The following TFAP2D variants were observed in gnomAD, a reference collection of about 807,000 sequenced individuals.
The protein encoded by TFAP2D is transcription factor AP-2-delta.
Under a neutral mutation model 43.6 loss-of-function variants are expected in TFAP2D, and 9 were observed. The observed-to-expected ratio is 0.21, with a 90% CI of 0.12 to 0.36. The LOEUF (loss-of-function observed/expected upper bound fraction) is 0.36, where lower values mean the gene tolerates loss of function less well. TFAP2D is among the 10% of genes least tolerant of loss of function. The pLI is 1.00. For synonymous variants in TFAP2D, 256 were observed against 224.9 expected, an observed-to-expected ratio of 1.14 and a Z score of -1.24; for missense variants, 513 against 561.4, an observed-to-expected ratio of 0.91 and a Z score of 0.87.
chr6:50,742,571 CACATAGATAGATAG>C (rs1769061299), intron 5 of TFAP2D, among the ~76,000 whole-genome samples: 1 of 126,772 alleles, frequency 7.9e-6, no homozygotes, highest in Non-Finnish European at 1.7e-5. Context: ...TAGACAGACA[CACATAGATAGATAG>C]ATAGATAGAT....
Position 50,745,254 on chromosome 6 carries a change from C to T in TFAP2D, c.1025+6C>T. ...AAGATGATCCTGGCGACCAAGTAAG[C>T]AGAATGGGGAAACCTCTGTGTGCTT... On this transcript the variant is annotated splice_donor_region_variant and intron_variant, in intron 6 of 7. Coordinates refer to ENST00000008391, the MANE Select transcript of TFAP2D (RefSeq NM_172238.4). 1 of 1,613,076 alleles carries T rather than the reference C, an allele frequency of 6.2e-7. No homozygotes were observed. Among genetic ancestry groups the T allele is most frequent in the Non-Finnish European group, 8.5e-7 (1 of 1,179,476 alleles).
chr6:50,714,718 A>G (rs2114025292), intron 1 of TFAP2D, among the ~76,000 whole-genome samples: 1 of 152,048 alleles, frequency 6.6e-6, no homozygotes, highest in African/African-American at 2.4e-5. Flanking sequence ...TTTCGGGTGG[A>G]CTCGTTCCTC....
intron 3 of TFAP2D, among the ~76,000 whole-genome samples, chr6:50,721,120 G>A (rs184442799): frequency 1.8e-4 from 27 of 152,294 alleles, no homozygotes; most frequent in Admixed American, 1.6e-3. Context: ...CAGAGCCACA[G>A]AAATTATCTT....
chr6:50,750,271 A>G (rs757436741), intron 6 of TFAP2D, among the ~76,000 whole-genome samples: 6 of 151,920 alleles, frequency 3.9e-5, no homozygotes, highest in South Asian at 2.1e-4. Context: ...TCAGGGCTAC[A>G]TTATTACATT....
chr6:50,757,365 T>C (rs1398254966), intron 7 of TFAP2D, among the ~76,000 whole-genome samples: 2 of 137,064 alleles, frequency 1.5e-5, no homozygotes, highest in African/African-American at 5.4e-5. Flanking sequence ...AATTATTCTA[T>C]ATATAGAATA....
chr6:50,755,544 A>T (rs1468985468), intron 7 of TFAP2D, among the ~76,000 whole-genome samples: 3 of 151,904 alleles, frequency 2.0e-5, no homozygotes, highest in African/African-American at 7.2e-5. Context: ...TCTCAAGTTG[A>T]TTCTGATAGG....
chr6:50,766,827 C>T (rs1372659610), intron 7 of TFAP2D, among the ~76,000 whole-genome samples: 2 of 151,500 alleles, frequency 1.3e-5, no homozygotes, highest in African/African-American at 4.8e-5. Context: ...CGCCACCGCG[C>T]CTGGCTAATT....
chr6:50,729,295 T>C lies in TFAP2D; in HGVS notation c.866T>C (p.Leu289Pro), dbSNP rs751082376. Residue 289 changes from leucine (L) to proline (P), a missense_variant, in exon 5 of 8, where the codon CTT becomes CCT. Leu to Pro is a moderately conservative substitution (Grantham distance 98). Coordinates refer to ENST00000008391, the MANE Select transcript of TFAP2D (RefSeq NM_172238.4). ...GRRKAANVTL[L>P]TSLVEGEALH... ...CGGAAAGCAGCTAATGTCACCCTCC[T>C]TACTTCCTTGGTTGAAGGTATGACT... The C allele has an allele frequency of 1.2e-6, 2 of 1,613,788 alleles. No individual in the cohort carries two copies. The highest frequency in any genetic ancestry group is 1.7e-6 in the Non-Finnish European group (2 of 1,179,736).
At chr6:50,752,903 C>G (rs1769217603) in intron 7 of TFAP2D, among the ~76,000 whole-genome samples, 1 of 151,752 alleles carries the variant, frequency 6.6e-6, no homozygotes, top group African/African-American at 2.4e-5. Flanking sequence ...CATTCCAAAC[C>G]TTTATTTCCT....
intron 7 of TFAP2D, among the ~76,000 whole-genome samples, 177 bp from the exon 8 acceptor site, chr6:50,772,468 T>C (rs894950900): frequency 3.3e-5 from 5 of 152,212 alleles, no homozygotes; most frequent in Non-Finnish European, 1.5e-5. Flanking sequence ...CTACATTTCT[T>C]ACATAGTCAA....
chr6:50,728,888 T>A lies in TFAP2D; in HGVS notation c.631T>A (p.Phe211Ile). The change falls in exon 4 of 8, where the codon TTT becomes ATT. Residue 211 changes from phenylalanine to isoleucine, a missense_variant. Phe to Ile is a conservative substitution (Grantham distance 21, BLOSUM62 0). This residue lies in a region of TFAP2D where 311 missense variants were observed against 316.2 expected (regional missense o/e 0.98). Coordinates refer to ENST00000008391, the MANE Select transcript of TFAP2D (RefSeq NM_172238.4). Reference protein sequence around the residue: ...GTCVVNPTDLFCSVPGRLSLL... With the variant: ...GTCVVNPTDLICSVPGRLSLL... ...CTGTGTGGTCAACCCCACAGACTTA[T>A]TTTGCTCTGTCCCTGGCCGTTTGTC... 3 of 1,614,054 alleles carry A rather than the reference T, an allele frequency of 1.9e-6. No homozygotes were observed. The highest frequency in any genetic ancestry group is 2.5e-6 in the Non-Finnish European group (3 of 1,179,916).
chr6:50,757,323 TAG>T (rs1163817596), intron 7 of TFAP2D, among the ~76,000 whole-genome samples: 5 of 139,514 alleles, frequency 3.6e-5, no homozygotes, highest in African/African-American at 1.1e-4. Context: ...ATATTCTCTA[TAG>T]ATATATATAT....
chr6:50,736,255 C>T (rs1354643920), intron 5 of TFAP2D, among the ~76,000 whole-genome samples: 1 of 152,112 alleles, frequency 6.6e-6, no homozygotes, highest in African/African-American at 2.4e-5. Context: ...AGTTGATGTT[C>T]ACTTTAGTCA....
chr6:50,716,354 C>T (rs975945296), intron 2 of TFAP2D, among the ~76,000 whole-genome samples: 1 of 151,926 alleles, frequency 6.6e-6, no homozygotes, highest in Non-Finnish European at 1.5e-5. Flanking sequence ...TTTTGCTCTT[C>T]CAGCCATTAC....
intron 7 of TFAP2D, among the ~76,000 whole-genome samples, chr6:50,766,679 T>TTTTTTTTTTTTTTTTTTTTTTGGGG: frequency 7.7e-6 from 1 of 130,096 alleles, no homozygotes; most frequent in East Asian, 2.5e-4. Flanking sequence ...TTTTTTTTTT[T>TTTTTTTTTTTTTTTTTTTTTTGGGG]GAGACGGAGT....
chr6:50,749,588 A>C (rs970273087), intron 6 of TFAP2D, among the ~76,000 whole-genome samples: 21 of 151,966 alleles, frequency 1.4e-4, no homozygotes, highest in Non-Finnish European at 2.8e-4. Flanking sequence ...CCATAAACAA[A>C]GACAACAAAT....
At position 50,772,776 on chromosome 6, in the gene TFAP2D, G is replaced by C. The variant is rs1769548254; in HGVS notation, c.1271G>C (p.Gly424Ala). The stretch of plus-strand genomic sequence containing the variant: ...AAGAACGGCGGAGCGGCGGATTCTG[G>C]CCAAGGACATGCCAACTCGGAGAAA... ...THKNGGAADS[G>A]QGHANSEKAP... Residue 424 changes from glycine to alanine, a missense_variant, in exon 8 of 8, where the codon GGC (glycine) becomes GCC (alanine). Transcript: ENST00000008391. 6.2e-7 allele frequency: 1 copy of C among 1,613,958 alleles called. No individual in the cohort carries two copies. The highest frequency in any genetic ancestry group is 1.1e-5 in the South Asian group (1 of 91,086).
Position 50,771,958 on chromosome 6 carries a change from C to T in TFAP2D, c.1140-687C>T, listed in dbSNP as rs1016658322. Among the ~76,000 whole-genome samples, 11 of 152,206 alleles carry T rather than the reference C, an allele frequency of 7.2e-5. No individual in the cohort carries two copies. The South Asian group carries it at 2.3e-3, about 32-fold the overall frequency. On this transcript the variant is annotated intron_variant, in intron 7 of 7. Coordinates refer to ENST00000008391, the MANE Select transcript of TFAP2D (RefSeq NM_172238.4). ...ACATGCACACGTATGTTTATTGCGG[C>T]ACTATTCACAATAGCAAAGACTTGG... is the stretch of plus-strand genomic sequence containing the variant.
chr6:50,750,582 A>G (rs1561938684), intron 6 of TFAP2D, among the ~76,000 whole-genome samples: 1 of 151,968 alleles, frequency 6.6e-6, no homozygotes, highest in Non-Finnish European at 1.5e-5. Flanking sequence ...ACCAAAAACC[A>G]TAACCATTTA....
Sources: gnomAD v4.1 joint callset for allele counts (sites outside exome capture counted in the v4.1 genomes callset) on GRCh38, gnomAD v4.1.1 for gene constraint, gnomAD v4.1.1 regional missense constraint, MANE v1.5 for transcripts, NCBI Gene and HGNC (gene_info 2026-07-23, HGNC 2026-07-21) for gene names.